Variants in PLSCR2 observed in about 807,000 individuals in gnomAD.
The protein encoded by PLSCR2 is phospholipid scramblase 2.
PLSCR2 carries 18 observed loss-of-function variants against 25.3 expected under a neutral mutation model. The observed-to-expected ratio is 0.71, with a 90% CI of 0.49 to 1.06. The LOEUF (loss-of-function observed/expected upper bound fraction) is 1.06, where lower values mean the gene tolerates loss of function less well. Among genes scored for constraint, PLSCR2 ranks in the 50% least tolerant of loss-of-function variants. The pLI is 0.00. For missense variants in PLSCR2, 243 were observed against 269.5 expected, an observed-to-expected ratio of 0.90 and a Z score of 0.69; for synonymous variants, 88 against 87.3, an observed-to-expected ratio of 1.01 and a Z score of -0.04.
At position 146,423,282 on chromosome 3, in the gene PLSCR2, T is replaced by TCTCTCTCTCTCTCTCTCTCTCTCC. The variant is rs758576585; in HGVS notation, c.101-27362_101-27361insGGAGAGAGAGAGAGAGAGAGAGAG. Among the ~76,000 whole-genome samples, 42 of 100,998 alleles carry TCTCTCTCTCTCTCTCTCTCTCTCC rather than the reference T, an allele frequency of 4.2e-4. 7 individuals are homozygous for TCTCTCTCTCTCTCTCTCTCTCTCC. Among genetic ancestry groups the TCTCTCTCTCTCTCTCTCTCTCTCC allele is most frequent in the Middle Eastern group, 6.9e-3 (1 of 144 alleles). The allele number at this position is 100,998 out of a possible 152,430, so 66.3% of individuals were successfully genotyped here. A position where few individuals can be genotyped will look rare whatever the true frequency, so the allele number is the denominator to read the frequency against. On this transcript the variant is annotated intron_variant and NMD_transcript_variant, in intron 2 of 3. Transcript: ENST00000463633. ...CTCTCTCTCTCTCTCTCTCTCTCTC[T>TCTCTCTCTCTCTCTCTCTCTCTCC]CCCTGGCTAGATTCTCACAAGAAAC...
intron 6 of PLSCR2, among the ~76,000 whole-genome samples, chr3:146,444,125 A>T (rs921733874): frequency 6.6e-6 from 1 of 151,970 alleles, no homozygotes; most frequent in African/African-American, 2.4e-5. Context: ...CAGAGGAGAT[A>T]TTTAATATAA....
intron 6 of PLSCR2, among the ~76,000 whole-genome samples, chr3:146,442,435 T>A (rs1355321053): frequency 6.6e-6 from 1 of 152,010 alleles, no homozygotes; most frequent in Non-Finnish European, 1.5e-5. Flanking sequence ...TACCAGTGAA[T>A]TTTTCACAGA....
At position 146,469,102 on chromosome 3, in the gene PLSCR2, T is replaced by TA. The variant is rs2041998102; in HGVS notation, c.-292-8819dup. On this transcript the variant is annotated intron_variant, in intron 1 of 8. Coordinates refer to the PLSCR2 transcript ENST00000336685. ...CTCCTGGCGGACTTCATTGAATACT[T>TA]ACTGATAAATGACAGCTTGCAGGCT... is the stretch of plus-strand genomic sequence containing the variant. The TA allele has an allele frequency of 4.5e-5, 44 of 984,332 alleles. No homozygotes were observed. The South Asian group carries it at 1.7e-3, about 38-fold the overall frequency. 61.0% of individuals were successfully genotyped at this position (984,332 alleles called of 1,614,324 possible).
intron 1 of PLSCR2, among the ~76,000 whole-genome samples, chr3:146,490,525 T>C (rs991331755): frequency 6.6e-6 from 1 of 152,208 alleles, no homozygotes; most frequent in Non-Finnish European, 1.5e-5. Flanking sequence ...GAACTTGTTT[T>C]ATGAATCTGG....
At position 146,408,042 on chromosome 3, in the gene PLSCR2, G is replaced by A. The variant is rs771714803; in HGVS notation, c.101-12121C>T. ...GTAAACTCTGATACTGCCAGGATGC[G>A]AGCATTTGACATCCATTCACCAGAA... On this transcript the variant is annotated intron_variant and NMD_transcript_variant, in intron 2 of 3. Transcript: ENST00000463633. 3.0e-4 allele frequency among the ~76,000 whole-genome samples: 45 copies of A among 152,280 alleles called. 2 individuals carry two copies. In the Middle Eastern group the frequency reaches 0.054, roughly 184 times the overall value.
At chr3:146,451,178 G>A (rs967433764) in intron 5 of PLSCR2, among the ~76,000 whole-genome samples, 57 of 139,484 alleles carry the variant, frequency 4.1e-4, no homozygotes, top group African/African-American at 1.5e-3. Flanking sequence ...GCAACGGCGC[G>A]ATCTCCGCTC....
intron 1 of PLSCR2, among the ~76,000 whole-genome samples, chr3:146,488,259 C>A (rs1576749703): frequency 1.3e-5 from 2 of 151,800 alleles, no homozygotes; most frequent in South Asian, 4.1e-4. Flanking sequence ...CCATTTAGGA[C>A]AAGAATGAGA....
At chr3:146,467,565 T>C (rs2041925908) in intron 1 of PLSCR2, among the ~76,000 whole-genome samples, 1 of 152,032 alleles carries the variant, frequency 6.6e-6, no homozygotes, top group Non-Finnish European at 1.5e-5. Flanking sequence ...AGGCAGTTAA[T>C]AAAATTAAAT....
chr3:146,414,632 A>G (rs2038955648), intron 2 of PLSCR2, among the ~76,000 whole-genome samples: 2 of 151,864 alleles, frequency 1.3e-5, no homozygotes, highest in Admixed American at 6.6e-5. Context: ...ATTTCCATGC[A>G]TTTTGGTTTC....
At chr3:146,421,858 T>A (rs1347729307) in intron 2 of PLSCR2, among the ~76,000 whole-genome samples, 2 of 152,056 alleles carry the variant, frequency 1.3e-5, no homozygotes, top group Non-Finnish European at 2.9e-5. Flanking sequence ...TGCGTATTTG[T>A]TTTTAATTTG....
intron 1 of PLSCR2, chr3:146,469,277 C>G (rs796092679): frequency 4.1e-6 from 4 of 985,484 alleles, no homozygotes; most frequent in Non-Finnish European, 4.8e-6. Flanking sequence ...CAGGACACCC[C>G]TTGTCATTCG....
intron 2 of PLSCR2, among the ~76,000 whole-genome samples, chr3:146,425,768 A>G (rs1054532014): frequency 6.6e-6 from 1 of 152,198 alleles, no homozygotes; most frequent in Non-Finnish European, 1.5e-5. Context: ...GACTGATGAT[A>G]GAAATATGGA....
intron 1 of PLSCR2, among the ~76,000 whole-genome samples, chr3:146,479,071 C>T (rs1096745): frequency 0.29 from 44,801 of 152,028 alleles, 6,603 homozygotes; most frequent in South Asian, 0.4. Context: ...ACCAGGCCTA[C>T]CTTACAAGAG....
intron 1 of PLSCR2, among the ~76,000 whole-genome samples, chr3:146,483,427 TAATA>T (rs1160884390): frequency 9.2e-6 from 1 of 108,586 alleles, no homozygotes; most frequent in Non-Finnish European, 1.8e-5. Flanking sequence ...AACTTAAACT[TAATA>T]TATATATATA....
At chr3:146,449,569 C>T (rs1181321249) in intron 5 of PLSCR2, among the ~76,000 whole-genome samples, 1 of 151,896 alleles carries the variant, frequency 6.6e-6, no homozygotes, top group Non-Finnish European at 1.5e-5. Flanking sequence ...GTGTAGGAAA[C>T]TTACATAAAA....
intron 1 of PLSCR2, among the ~76,000 whole-genome samples, chr3:146,479,293 CT>C: frequency 6.6e-6 from 1 of 152,178 alleles, no homozygotes; most frequent in East Asian, 1.9e-4. Context: ...AAGACACAGA[CT>C]GGCAAATTGG....
At chr3:146,491,148 T>C (rs770378913) in intron 1 of PLSCR2, among the ~76,000 whole-genome samples, 1 of 152,150 alleles carries the variant, frequency 6.6e-6, no homozygotes, top group Non-Finnish European at 1.5e-5. Flanking sequence ...GGAATTTCTT[T>C]TCTTTAATAA....
intron 2 of PLSCR2, among the ~76,000 whole-genome samples, chr3:146,408,727 G>A (rs539823040): frequency 1.1e-4 from 16 of 152,164 alleles, no homozygotes; most frequent in African/African-American, 3.6e-4. Flanking sequence ...TCCTGGAGGC[G>A]CTCTAAAAAA....
At chr3:146,474,556 GC>G (rs894687945) in intron 1 of PLSCR2, among the ~76,000 whole-genome samples, 3 of 152,190 alleles carry the variant, frequency 2.0e-5, no homozygotes, top group African/African-American at 7.2e-5. Context: ...CTCTCTGGTT[GC>G]CCTTAGTAGT....
Sources: allele counts gnomAD v4.1 joint callset (sites outside exome capture counted in the v4.1 genomes callset), GRCh38; gene constraint gnomAD v4.1.1; transcripts MANE v1.5; gene names NCBI Gene and HGNC (gene_info 2026-07-23, HGNC 2026-07-21).